Variants in ERBB4 observed in about 807,000 individuals in gnomAD.
ERBB4 encodes the protein erb-b2 receptor tyrosine kinase 4.
A neutral mutation model predicts 158.0 loss-of-function variants in ERBB4; 42 were observed. The ratio of observed to expected loss-of-function variants is 0.27; its 90% confidence interval spans 0.21 to 0.34. The LOEUF (loss-of-function observed/expected upper bound fraction) is 0.34, where lower values mean the gene tolerates loss of function less well. Among genes scored for constraint, ERBB4 ranks in the 10% least tolerant of loss-of-function variants. ERBB4 has a pLI of 1.00. For missense variants in ERBB4, 1,333 were observed against 1,624.1 expected (o/e 0.82, Z 3.08); for synonymous variants, 583 against 558.7 (o/e 1.04, Z -0.61).
intron 3 of ERBB4, among the ~76,000 whole-genome samples, chr2:211,847,773 G>C (rs1467538108): frequency 6.6e-6 from 1 of 152,104 alleles, no homozygotes; most frequent in Non-Finnish European, 1.5e-5. Context: ...TCTATTACCA[G>C]TAGTGCAATT....
At chr2:212,479,994 T>C (rs1443516155) in intron 1 of ERBB4, among the ~76,000 whole-genome samples, 4 of 152,132 alleles carry the variant, frequency 2.6e-5, no homozygotes, top group African/African-American at 4.8e-5. Context: ...AAAAGTCCTA[T>C]ACGTATTTCT....
At chr2:211,851,814 G>T (rs55705050) in intron 3 of ERBB4, among the ~76,000 whole-genome samples, 33,164 of 151,732 alleles carry the variant, frequency 0.22, 3,749 homozygotes, top group South Asian at 0.32. Flanking sequence ...TTCTTGAGAA[G>T]AGTTTCTCAA....
intron 1 of ERBB4, among the ~76,000 whole-genome samples, chr2:212,438,312 G>A (rs929399292): frequency 5.3e-5 from 8 of 151,962 alleles, no homozygotes; most frequent in South Asian, 2.1e-4. Flanking sequence ...TTGTCTTCAC[G>A]TTTATAAATA....
intron 1 of ERBB4, among the ~76,000 whole-genome samples, chr2:212,136,906 C>T (rs1010680685): frequency 1.3e-5 from 2 of 152,016 alleles, no homozygotes; most frequent in Non-Finnish European, 2.9e-5. Context: ...AACAAGTTTT[C>T]GGGGATGTTT....
At chr2:212,309,357 A>T (rs2086934829) in intron 1 of ERBB4, among the ~76,000 whole-genome samples, 1 of 150,876 alleles carries the variant, frequency 6.6e-6, no homozygotes, top group Non-Finnish European at 1.5e-5. Context: ...TATCCACCAA[A>T]TATTCATTGA....
intron 27 of ERBB4, among the ~76,000 whole-genome samples, chr2:211,384,666 CA>C (rs966034631): frequency 2.6e-5 from 4 of 152,096 alleles, no homozygotes; most frequent in South Asian, 2.1e-4. Flanking sequence ...GCAAATCTAA[CA>C]GATAGCTAAC....
intron 3 of ERBB4, among the ~76,000 whole-genome samples, chr2:211,820,945 C>T (rs570515156): frequency 2.6e-5 from 4 of 151,782 alleles, no homozygotes; most frequent in Non-Finnish European, 3.0e-5. Context: ...CAAACTCATA[C>T]GTAACATCAA....
intron 1 of ERBB4, among the ~76,000 whole-genome samples, chr2:212,265,053 C>T (rs2085080221): frequency 6.6e-6 from 1 of 152,072 alleles, no homozygotes; most frequent in Admixed American, 6.6e-5. Flanking sequence ...TAACATGCTG[C>T]AGGAGAGGCA....
intron 9 of ERBB4, among the ~76,000 whole-genome samples, chr2:211,709,576 G>C (rs1369528988): frequency 6.6e-6 from 1 of 151,974 alleles, no homozygotes; most frequent in Non-Finnish European, 1.5e-5. Context: ...CACATCTGGA[G>C]AGCTGTTTCA....
intron 2 of ERBB4, among the ~76,000 whole-genome samples, chr2:212,120,710 G>T (rs190458952): frequency 9.2e-5 from 14 of 152,262 alleles, no homozygotes; most frequent in African/African-American, 3.1e-4. Flanking sequence ...CCTAAAGACA[G>T]AAATGAATCC....
rs1056967559 is a variant in ERBB4, at chr2:211,557,874, C to T, written c.2487+4029G>A. ...AAAAACACAGAATCAACCTAAATGC[C>T]CATCAATGGTAGACTGGATAAATAA... On this transcript the variant is annotated intron_variant, in intron 20 of 27. Transcript: ENST00000342788. Among the ~76,000 whole-genome samples the T allele has an allele frequency of 1.1e-4, 16 of 152,182 alleles. No individual in the cohort carries two copies. The South Asian group carries it at 2.1e-3, about 20-fold the overall frequency.
intron 1 of ERBB4, among the ~76,000 whole-genome samples, chr2:212,511,825 A>G (rs1017775616): frequency 2.0e-5 from 3 of 148,614 alleles, no homozygotes; most frequent in African/African-American, 7.9e-5. Context: ...GTAAAAATTC[A>G]GAAGCTCGAC....
At chr2:212,380,456 C>CTGTGTGTGTGTGTGTGTGTGTGTG (rs6147158) in intron 1 of ERBB4, among the ~76,000 whole-genome samples, 12 of 143,058 alleles carry the variant, frequency 8.4e-5, no homozygotes, top group Admixed American at 2.8e-4. Flanking sequence ...AGGAATGACT[C>CTGTGTGTGTGTGTGTGTGTGTGTG]TGTGTGTGTG....
chr2:212,306,130 T>A (rs949183187), intron 1 of ERBB4, among the ~76,000 whole-genome samples: 9 of 151,506 alleles, frequency 5.9e-5, no homozygotes, highest in African/African-American at 2.4e-5. Context: ...AGATTCCTTT[T>A]TATGTGCAAC....
At position 212,051,305 on chromosome 2, in the gene ERBB4, T is replaced by C. The variant is rs564465218; in HGVS notation, c.234+73447A>G. On this transcript the variant is annotated intron_variant, in intron 2 of 27. Transcript: ENST00000342788. ...TTAAAATACTCTTTAAGTAATTCTT[T>C]TAAGTGCTTTAAGTATTAAATGTAT... is the stretch of plus-strand genomic sequence containing the variant. 2.6e-5 allele frequency among the ~76,000 whole-genome samples: 4 copies of C among 152,282 alleles called. No homozygotes were observed. In the East Asian group the frequency reaches 5.8e-4, roughly 22 times the overall value.
chr2:212,405,268 C>A (rs1312640289), intron 1 of ERBB4, among the ~76,000 whole-genome samples: 1 of 151,978 alleles, frequency 6.6e-6, no homozygotes, highest in Non-Finnish European at 1.5e-5. Context: ...CAGAGAAATG[C>A]AAATCAAACC....
At chr2:211,678,988 A>T in intron 13 of ERBB4, 64 bp downstream of exon 13, 1 of 1,338,492 alleles carries the variant, frequency 7.5e-7, no homozygotes, top group Non-Finnish European at 1.0e-6. Context: ...AAAAAAAAAA[A>T]AAATCAGAAC....
intron 3 of ERBB4, among the ~76,000 whole-genome samples, chr2:211,845,623 C>A (rs2077569647): frequency 6.6e-6 from 1 of 152,002 alleles, no homozygotes; most frequent in African/African-American, 2.4e-5. Context: ...TATTTTTAGC[C>A]CTTTGTGAAT....
At chr2:211,848,387 T>C (rs902378834) in intron 3 of ERBB4, among the ~76,000 whole-genome samples, 9 of 152,034 alleles carry the variant, frequency 5.9e-5, no homozygotes, top group Admixed American at 2.0e-4. Flanking sequence ...GAAATTGCAA[T>C]TGAACCTGGA....
Sources: allele counts gnomAD v4.1 joint callset (sites outside exome capture counted in the v4.1 genomes callset), GRCh38; gene constraint gnomAD v4.1.1; transcripts MANE v1.5; gene names NCBI Gene and HGNC (gene_info 2026-07-23, HGNC 2026-07-21).